DPP10: variants seen among roughly 807,000 people sequenced by gnomAD.
DPP10 encodes dipeptidyl peptidase like 10.
A neutral mutation model predicts 120.9 loss-of-function variants in DPP10; 33 were observed. The observed-to-expected ratio is 0.27, with a 90% confidence interval of 0.21 to 0.37. The LOEUF (loss-of-function observed/expected upper bound fraction) is 0.37, where lower values mean the gene tolerates loss of function less well. Among genes scored for constraint, DPP10 ranks in the 10% least tolerant of loss-of-function variants. DPP10 has a pLI of 1.00. For missense variants in DPP10, 816 were observed against 942.8 expected (o/e 0.87, Z 1.76); for synonymous variants, 337 against 326.1 (o/e 1.03, Z -0.36).
chr2:114,845,851 G>C (rs1344315700), intron 1 of DPP10, among the ~76,000 whole-genome samples: 1 of 152,100 alleles, frequency 6.6e-6, no homozygotes, highest in Non-Finnish European at 1.5e-5. Context: ...AGTAGTTTAA[G>C]GTGTTGCAAG....
At chr2:115,164,925 T>C (rs1559170331) in intron 1 of DPP10, among the ~76,000 whole-genome samples, 1 of 152,074 alleles carries the variant, frequency 6.6e-6, no homozygotes, top group African/African-American at 2.4e-5. Flanking sequence ...TTTTATCATC[T>C]TAGTAATCTT....
At chr2:114,665,430 C>T (rs761870624) in intron 1 of DPP10, among the ~76,000 whole-genome samples, 72 of 151,990 alleles carry the variant, frequency 4.7e-4, no homozygotes, top group African/African-American at 1.5e-3. Context: ...CTTGTAATGC[C>T]GCCTATGACT....
At chr2:115,402,883 G>C (rs1329922686) in intron 3 of DPP10, among the ~76,000 whole-genome samples, 1 of 133,776 alleles carries the variant, frequency 7.5e-6, no homozygotes, top group Non-Finnish European at 1.6e-5. Context: ...ATATGTGTGT[G>C]TGTGTGTGTA....
At chr2:115,804,134 T>G (rs2149988127) in intron 19 of DPP10, among the ~76,000 whole-genome samples, 1 of 152,312 alleles carries the variant, frequency 6.6e-6, no homozygotes, top group East Asian at 1.9e-4. Context: ...TCATTTCTTT[T>G]TATTCTTTTT....
At chr2:115,328,227 A>G (rs1204407358) in intron 2 of DPP10, among the ~76,000 whole-genome samples, 5 of 152,106 alleles carry the variant, frequency 3.3e-5, no homozygotes, top group Non-Finnish European at 7.4e-5. Context: ...ACACATGTGT[A>G]TGTATCACAG....
chr2:115,535,855 A>G (rs2078795874), intron 5 of DPP10, among the ~76,000 whole-genome samples: 3 of 151,956 alleles, frequency 2.0e-5, no homozygotes, highest in East Asian at 1.9e-4. Flanking sequence ...ATTCCTAGGT[A>G]TTTTATTCTC....
chr2:115,001,693 T>A (rs190427856), intron 1 of DPP10, among the ~76,000 whole-genome samples: 77 of 152,032 alleles, frequency 5.1e-4, no homozygotes, highest in Non-Finnish European at 9.3e-4. Flanking sequence ...CTTCAAAAAA[T>A]TTTTTAAATG....
intron 1 of DPP10, among the ~76,000 whole-genome samples, chr2:115,155,658 A>C (rs1393199417): frequency 6.6e-6 from 1 of 152,218 alleles, no homozygotes; most frequent in Non-Finnish European, 1.5e-5. Flanking sequence ...GAAATTAATT[A>C]GTAATATCAA....
chr2:114,537,442 C>T (rs753063364), intron 1 of DPP10, among the ~76,000 whole-genome samples: 8 of 151,862 alleles, frequency 5.3e-5, no homozygotes, highest in Admixed American at 1.3e-4. Context: ...AGGTTGTTTA[C>T]GTTTTCAAGT....
At chr2:115,671,181 G>A (rs573215886) in intron 5 of DPP10, among the ~76,000 whole-genome samples, 1 of 151,984 alleles carries the variant, frequency 6.6e-6, no homozygotes, top group African/African-American at 2.4e-5. Context: ...GTTTTATCCA[G>A]TTTTTCTTTT....
At chr2:115,126,278 T>G (rs977097551) in intron 1 of DPP10, among the ~76,000 whole-genome samples, 3 of 152,024 alleles carry the variant, frequency 2.0e-5, no homozygotes, top group Non-Finnish European at 2.9e-5. Context: ...TTTTTGTATT[T>G]TTTTGTATAG....
chr2:115,167,059 C>T (rs145824881), intron 1 of DPP10, among the ~76,000 whole-genome samples: 188 of 152,226 alleles, frequency 1.2e-3, no homozygotes, highest in African/African-American at 3.8e-3. Context: ...ATCCCAGGTC[C>T]GCCAAAGACC....
intron 1 of DPP10, among the ~76,000 whole-genome samples, chr2:115,145,691 G>A (rs912757581): frequency 2.0e-5 from 3 of 152,024 alleles, no homozygotes; most frequent in Admixed American, 6.6e-5. Context: ...TGGATCATAC[G>A]GTAAGAGTAT....
chr2:114,803,701 T>C (rs559946839), intron 1 of DPP10, among the ~76,000 whole-genome samples: 129 of 152,304 alleles, frequency 8.5e-4, no homozygotes, highest in African/African-American at 2.9e-3. Context: ...GGCATCTGGC[T>C]GAAGAAATTT....
At chr2:115,495,188 T>C (rs1264777642) in intron 3 of DPP10, among the ~76,000 whole-genome samples, 1 of 151,944 alleles carries the variant, frequency 6.6e-6, no homozygotes, top group Non-Finnish European at 1.5e-5. Flanking sequence ...TTTGAGTAGA[T>C]AAGACTGAAC....
intron 3 of DPP10, among the ~76,000 whole-genome samples, chr2:115,461,168 C>T (rs909983729): frequency 4.6e-5 from 7 of 151,628 alleles, no homozygotes; most frequent in Admixed American, 6.6e-5. Context: ...TCATCTCAAA[C>T]GCTCAAAATA....
chr2:115,805,708 A>G (rs565628974), intron 19 of DPP10, among the ~76,000 whole-genome samples: 57 of 151,150 alleles, frequency 3.8e-4, no homozygotes, highest in Middle Eastern at 3.4e-3. Context: ...CCGAGTAGCT[A>G]GGATTACAGG....
chr2:115,672,695 T>TTTCTTTCTTTCTTTCC (rs1196444893), intron 5 of DPP10, among the ~76,000 whole-genome samples: 1 of 146,470 alleles, frequency 6.8e-6, no homozygotes, highest in East Asian at 2.0e-4. Flanking sequence ...TCTTTCTTTC[T>TTTCTTTCTTTCTTTCC]TTCTTTCTTT....
chr2:115,060,364 AG>A (rs1432182124), intron 1 of DPP10, among the ~76,000 whole-genome samples: 1 of 152,140 alleles, frequency 6.6e-6, no homozygotes, highest in Non-Finnish European at 1.5e-5. Context: ...CGGCCGAGGC[AG>A]GTGGATCACT....
Sources: allele counts gnomAD v4.1 joint callset (sites outside exome capture counted in the v4.1 genomes callset), GRCh38; gene constraint gnomAD v4.1.1; transcripts MANE v1.5; gene names NCBI Gene and HGNC (gene_info 2026-07-23, HGNC 2026-07-21).